ASPA: variants seen among roughly 807,000 people sequenced by gnomAD.
The protein encoded by ASPA is ACY-2.
A neutral mutation model predicts 29.6 loss-of-function variants in ASPA; 25 were observed. That is an observed-to-expected ratio of 0.85 (90% CI 0.62 to 1.18). The LOEUF (loss-of-function observed/expected upper bound fraction) is 1.18, where lower values mean the gene tolerates loss of function less well. Ranked by LOEUF, ASPA falls within the 50% of genes most tolerant of loss-of-function variation. The pLI is 0.00. For synonymous variants in ASPA, 131 were observed against 130.3 expected (o/e 1.01, Z -0.04); for missense variants, 333 against 385.7 (o/e 0.86, Z 1.14).
intron 1 of ASPA, among the ~76,000 whole-genome samples, chr17:3,480,195 T>C (rs1368964537): frequency 6.6e-6 from 1 of 152,214 alleles, no homozygotes; most frequent in Non-Finnish European, 1.5e-5. Flanking sequence ...AAGACTTCTG[T>C]AACCACCCAG....
rs544435355 is a variant in ASPA at position 3,501,133 on chromosome 17, A to G, written c.*2045A>G. The G allele has an allele frequency of 2.6e-5, 4 of 152,188 alleles. No homozygotes were observed. In the East Asian group the frequency reaches 7.7e-4, roughly 29 times the overall value. 9.4% of individuals were successfully genotyped at this position (152,188 alleles called of 1,614,324 possible). A position where few individuals can be genotyped will look rare whatever the true frequency, so the allele number is the denominator to read the frequency against. ...TCAAATCTAACTATTTAAGAAATAC[A>G]TTTCAGGCTGGGGGAGGGGAGAAAA... On this transcript the variant is annotated 3_prime_UTR_variant, in exon 6 of 6. Coordinates refer to ENST00000263080, the MANE Select transcript of ASPA (RefSeq NM_000049.4).
At chr17:3,491,034 C>A (rs569026019) in intron 4 of ASPA, among the ~76,000 whole-genome samples, 22 of 152,276 alleles carry the variant, frequency 1.4e-4, no homozygotes, top group African/African-American at 4.3e-4. Context: ...TCATAGCCGC[C>A]ATGTGAAAAG....
At chr17:3,476,952 G>A (rs797002640) in intron 1 of ASPA, among the ~76,000 whole-genome samples, 6 of 152,222 alleles carry the variant, frequency 3.9e-5, no homozygotes, top group African/African-American at 1.2e-4. Context: ...TCAGGAGATC[G>A]AGACCATCCT....
chr17:3,477,912 G>A (rs2073555455), intron 1 of ASPA, among the ~76,000 whole-genome samples: 1 of 152,028 alleles, frequency 6.6e-6, no homozygotes, highest in African/African-American at 2.4e-5. Flanking sequence ...GCCGGGCACA[G>A]TGGCTCACAC....
intron 5 of ASPA, among the ~76,000 whole-genome samples, chr17:3,496,799 G>C (rs537805631): frequency 1.2e-4 from 19 of 152,222 alleles, no homozygotes; most frequent in African/African-American, 3.9e-4. Flanking sequence ...AGGAGCGGTG[G>C]CTCACGCCTG....
rs149623006 is a variant in ASPA at position 3,496,849 on chromosome 17, G to A, written c.745-2042G>A. On this transcript the variant is annotated intron_variant, in intron 5 of 5. Coordinates refer to ENST00000263080, the MANE Select transcript of ASPA (RefSeq NM_000049.4). Reference sequence around the variant, plus strand: ...TGGGAGGCCGAGGCGGGCGGATCACGCGGTCAGGAGATCGAGACCATCCTG... The same window carrying A: ...TGGGAGGCCGAGGCGGGCGGATCACACGGTCAGGAGATCGAGACCATCCTG... Among the ~76,000 whole-genome samples, 64 of 152,140 alleles carry A rather than the reference G, an allele frequency of 4.2e-4. No homozygotes were observed. The East Asian group carries it at 0.012, about 28-fold the overall frequency.
At chr17:3,486,343 T>C (rs899575938) in intron 3 of ASPA, among the ~76,000 whole-genome samples, 2 of 152,188 alleles carry the variant, frequency 1.3e-5, no homozygotes, top group Admixed American at 1.3e-4. Flanking sequence ...CTTGAAAAGA[T>C]CATCTGGAAC....
chr17:3,478,489 T>C (rs529417318), intron 1 of ASPA, among the ~76,000 whole-genome samples: 28 of 152,330 alleles, frequency 1.8e-4, no homozygotes, highest in African/African-American at 6.3e-4. Context: ...TTCATGCTTA[T>C]CTATTGACCT....
In ASPA at chr17:3,483,589, G is replaced by T. The variant is rs1164567502; in HGVS notation, c.523G>T (p.Val175Leu). 1.2e-6 allele frequency: 2 copies of T among 1,610,940 alleles called. No homozygotes were observed. Among genetic ancestry groups the T allele is most frequent in the South Asian group, 2.2e-5 (2 of 91,018 alleles). ...CACTCGTTCCATAGCCAAGTATCCT[G>T]TGGGTAAGTCATAGTTCCCACTGTC... ...ATTRSIAKYP[V>L]GIEVGPQPQG... The change falls in exon 3 of 6, where the codon GTG (valine) becomes TTG (leucine). Residue 175 changes from valine to leucine, a missense_variant. Physicochemically the swap from Val to Leu is conservative, Grantham distance 32 (BLOSUM62 1). Coordinates refer to ENST00000263080, the MANE Select transcript of ASPA (RefSeq NM_000049.4).
chr17:3,487,086 G>GTGTGT (rs1567613838), intron 3 of ASPA, among the ~76,000 whole-genome samples: 1 of 151,988 alleles, frequency 6.6e-6, no homozygotes, highest in Non-Finnish European at 1.5e-5. Flanking sequence ...GTGTGTGTGT[G>GTGTGT]ATCATAAGAG....
At position 3,500,633 on chromosome 17, in the gene ASPA, G is replaced by C. The variant is rs912890504; in HGVS notation, c.*1545G>C. The C allele has an allele frequency of 6.6e-6, 1 of 152,254 alleles. No individual in the cohort carries two copies. Among genetic ancestry groups the C allele is most frequent in the Non-Finnish European group, 1.5e-5 (1 of 68,178 alleles). The allele number at this position is 152,254 out of a possible 1,614,324, so 9.4% of individuals were successfully genotyped here. ...TTCTCCTGCCTCAGCCTCCCCAGTA[G>C]CTGAGATTACAGGTGCCTGCCACCA... On this transcript the variant is annotated 3_prime_UTR_variant, in exon 6 of 6. Transcript: ENST00000263080.
chr17:3,479,806 G>A (rs2073596344), intron 1 of ASPA, among the ~76,000 whole-genome samples: 1 of 152,058 alleles, frequency 6.6e-6, no homozygotes, highest in African/African-American at 2.4e-5. Flanking sequence ...GAAGATACTA[G>A]CAAAAATAAC....
chr17:3,499,096 T>C lies in ASPA; in HGVS notation c.*8T>C. 1 of 1,612,696 alleles carries C rather than the reference T, an allele frequency of 6.2e-7. No homozygotes were observed. Among genetic ancestry groups the C allele is most frequent in the Non-Finnish European group, 8.5e-7 (1 of 1,179,184 alleles). ...CGCTGCTGTTTACATTAGAAATCACTTCCAGCTTACATCTTACACGGTGTC... is the reference window on the plus strand; with the variant it reads ...CGCTGCTGTTTACATTAGAAATCACCTCCAGCTTACATCTTACACGGTGTC... On this transcript the variant is annotated 3_prime_UTR_variant, in exon 6 of 6. Coordinates refer to ENST00000263080, the MANE Select transcript of ASPA (RefSeq NM_000049.4).
At chr17:3,475,975 G>C, upstream of ASPA, 1 of 615,370 alleles carries the variant, frequency 1.6e-6, no homozygotes, top group South Asian at 2.0e-5. Context: ...GCTAAAGAAG[G>C]GAGTGTCCAT....
upstream of ASPA, chr17:3,475,765 A>T (rs1199945945): frequency 4.9e-6 from 1 of 202,546 alleles, no homozygotes; most frequent in African/African-American, 2.3e-5. Flanking sequence ...AACTATTTTT[A>T]TTATTACAGA....
At chr17:3,495,873 A>G (rs1597447086) in intron 5 of ASPA, among the ~76,000 whole-genome samples, 2 of 152,218 alleles carry the variant, frequency 1.3e-5, no homozygotes, top group South Asian at 2.1e-4. Context: ...AGCCTTAAGC[A>G]GTGTTTTAAA....
chr17:3,487,016 C>A (rs887671801), intron 3 of ASPA, among the ~76,000 whole-genome samples: 1 of 151,958 alleles, frequency 6.6e-6, no homozygotes, highest in African/African-American at 2.4e-5. Context: ...TAGGAGAGGG[C>A]TGTGTCCAGT....
chr17:3,483,633 TC>T, intron 3 of ASPA, 41 bp downstream of exon 3: 1 of 1,514,634 alleles, frequency 6.6e-7, no homozygotes, highest in Non-Finnish European at 9.2e-7. Flanking sequence ...ATAAAATATG[TC>T]CTAGCTGAAA....
chr17:3,482,789 T>A (rs12951114), intron 2 of ASPA, among the ~76,000 whole-genome samples: 93 of 151,260 alleles, frequency 6.1e-4, no homozygotes, highest in African/African-American at 2.1e-3. Flanking sequence ...TAATTTTTTT[T>A]AAATTTTATT....
Sources: gnomAD v4.1 joint callset for allele counts (sites outside exome capture counted in the v4.1 genomes callset) on GRCh38, gnomAD v4.1.1 for gene constraint, MANE v1.5 for transcripts, NCBI Gene and HGNC (gene_info 2026-07-23, HGNC 2026-07-21) for gene names.